P2RY12: variants seen among roughly 807,000 people sequenced by gnomAD.
The protein encoded by P2RY12 is purinergic receptor P2Y12.
In P2RY12, 3 loss-of-function variants were observed where a neutral mutation model predicts 4.5. The observed-to-expected ratio is 0.67, with a 90% CI of 0.31 to 1.74. The LOEUF (loss-of-function observed/expected upper bound fraction) is 1.74, where lower values mean the gene tolerates loss of function less well. Ranked by LOEUF, P2RY12 falls within the 40% of genes most tolerant of loss-of-function variation. The pLI is 0.09. For missense variants in P2RY12, 356 were observed against 407.8 expected (o/e 0.87, Z 1.09); for synonymous variants, 148 against 154.1 (o/e 0.96, Z 0.29).
At chr3:151,364,987 G>T in intron 1 of P2RY12, 1 of 1,613,302 alleles carries the variant, frequency 6.2e-7, no homozygotes, top group Non-Finnish European at 8.5e-7. Flanking sequence ...AGTAGTGCCT[G>T]TTCAAAAGTA....
intron 1 of P2RY12, chr3:151,365,005 C>G (rs1349106488): frequency 6.2e-7 from 1 of 1,613,812 alleles, no homozygotes; most frequent in Admixed American, 1.7e-5. Flanking sequence ...GTAAAGCAAA[C>G]CATATATAAT....
chr3:151,371,488 G>A (rs1241252564), intron 1 of P2RY12, among the ~76,000 whole-genome samples: 2 of 152,150 alleles, frequency 1.3e-5, no homozygotes, highest in African/African-American at 2.4e-5. Flanking sequence ...ATTATATATT[G>A]ATAAATTGAA....
At chr3:151,347,244 C>T (rs1217371677) in intron 1 of P2RY12, among the ~76,000 whole-genome samples, 1 of 152,130 alleles carries the variant, frequency 6.6e-6, no homozygotes, top group Admixed American at 6.5e-5. Context: ...TAATTTTTCT[C>T]CTTATCTTCA....
At chr3:151,361,860 A>G (rs1754646370) in intron 1 of P2RY12, among the ~76,000 whole-genome samples, 1 of 152,216 alleles carries the variant, frequency 6.6e-6, no homozygotes. Flanking sequence ...CATTCGTTGT[A>G]TCTTAGCACT....
Position 151,367,526 on chromosome 3 carries a change from T to G in P2RY12, c.-180+17166A>C, listed in dbSNP as rs916029892. On this transcript the variant is annotated intron_variant, in intron 1 of 2. Coordinates refer to ENST00000302632, the MANE Select transcript of P2RY12 (RefSeq NM_022788.5). Reference sequence around the variant, plus strand: ...ATCATGATATGTTATCATTTCCCTCTGCTGGTTCATGTTGGGATTTGAGAT... The same window carrying G: ...ATCATGATATGTTATCATTTCCCTCGGCTGGTTCATGTTGGGATTTGAGAT... The G allele has an allele frequency of 6.1e-6, 5 of 826,124 alleles. No individual in the cohort carries two copies. The African/African-American group carries it at 8.7e-5, about 14-fold the overall frequency. The allele number at this position is 826,124 out of a possible 1,614,324, so 51.2% of individuals were successfully genotyped here.
intron 1 of P2RY12, chr3:151,384,061 A>G (rs1712887319): frequency 6.2e-7 from 1 of 1,602,476 alleles, no homozygotes; most frequent in Non-Finnish European, 8.5e-7. Flanking sequence ...TTTAAGATGA[A>G]AATAATTATT....
rs563468112 is a variant in P2RY12, at chr3:151,349,782, A to G, written c.-179-9022T>C. On this transcript the variant is annotated intron_variant, in intron 1 of 2. Transcript: ENST00000302632. ...ATTTTAAACAATGAAAAGTTTTTCA[A>G]TAGCCAAAACTTACTTTGTAGGGTA... Among the ~76,000 whole-genome samples, 17 of 152,284 alleles carry G rather than the reference A, an allele frequency of 1.1e-4. No homozygotes were observed. The South Asian group carries it at 1.7e-3, about 15-fold the overall frequency.
chr3:151,372,058 A>G (rs1438162684), intron 1 of P2RY12, among the ~76,000 whole-genome samples: 1 of 152,160 alleles, frequency 6.6e-6, no homozygotes, highest in Non-Finnish European at 1.5e-5. Context: ...GCCCTTTTCC[A>G]TTCCCAGGGA....
rs1281080506 is a variant in P2RY12, at chr3:151,338,106, A to G, written c.740T>C (p.Ile247Thr). The G allele has an allele frequency of 6.2e-7, 1 of 1,614,040 alleles. No homozygotes were observed. The highest frequency in any genetic ancestry group is 2.2e-5 in the East Asian group (1 of 44,888). The part of the protein sequence containing the change: ...KVFIIIAVFF[I>T]CFVPFHFARI... ...GGCAAAATGGAAAGGAACAAAACAA[A>G]TAAAGAATACAGCAATGATAATGAA... is the stretch of plus-strand genomic sequence containing the variant. Residue 247 changes from isoleucine to threonine, a missense_variant, in exon 3 of 3, where the codon ATT becomes ACT. Transcript: ENST00000302632.
chr3:151,343,181 T>G (rs1752091289), intron 1 of P2RY12, among the ~76,000 whole-genome samples: 1 of 152,158 alleles, frequency 6.6e-6, no homozygotes, highest in Admixed American at 6.6e-5. Context: ...TACAGCAAAT[T>G]GTAAATGCTA....
chr3:151,338,556 C>T lies in P2RY12; in HGVS notation c.290G>A (p.Cys97Tyr). The T allele has an allele frequency of 6.2e-7, 1 of 1,613,976 alleles. No homozygotes were observed. The highest frequency in any genetic ancestry group is 8.5e-7 in the Non-Finnish European group (1 of 1,179,970). Residue 97 changes from cysteine (C) to tyrosine (Y), a missense_variant, in exon 3 of 3, where the codon TGT (cysteine) becomes TAT (tyrosine). Cys to Tyr is a radical substitution (Grantham distance 194). Transcript: ENST00000302632. The stretch of plus-strand genomic sequence containing the variant: ...ATAAAATATGACGGAGGTAACTTGA[C>T]ACACAAAAGTTCTCAGTGGTCCTGT... The part of the protein sequence containing the change: ...LGTGPLRTFV[C>Y]QVTSVIFYFT...
At chr3:151,342,868 C>G (rs1752046708) in intron 1 of P2RY12, among the ~76,000 whole-genome samples, 1 of 152,144 alleles carries the variant, frequency 6.6e-6, no homozygotes, top group South Asian at 2.1e-4. Flanking sequence ...ATTTCTTACA[C>G]TGTCATGGAT....
chr3:151,365,969 A>G (rs754856998), intron 1 of P2RY12: 1 of 1,611,500 alleles, frequency 6.2e-7, no homozygotes, highest in Non-Finnish European at 8.5e-7. Context: ...TGGGGGTTTA[A>G]TGATGTACTT....
intron 1 of P2RY12, chr3:151,368,295 C>T: frequency 6.6e-7 from 1 of 1,524,844 alleles, no homozygotes; most frequent in Non-Finnish European, 9.1e-7. Flanking sequence ...TCATTGGTAG[C>T]TAAAGTTTCT....
At chr3:151,384,585 T>A (rs1712995328) in intron 1 of P2RY12, 107 bp downstream of exon 1, 1 of 192,866 alleles carries the variant, frequency 5.2e-6, no homozygotes, top group East Asian at 1.4e-4. Context: ...ATCGATTCAT[T>A]TGACCGACCA....
chr3:151,347,852 A>G (rs747183871), intron 1 of P2RY12, among the ~76,000 whole-genome samples: 12 of 152,154 alleles, frequency 7.9e-5, no homozygotes, highest in Non-Finnish European at 1.6e-4. Flanking sequence ...AGAGGTTTAG[A>G]AAGGTTTATT....
chr3:151,357,253 T>G, intron 1 of P2RY12: 1 of 1,613,522 alleles, frequency 6.2e-7, no homozygotes, highest in Middle Eastern at 1.6e-4. Flanking sequence ...GAACTGCTCC[T>G]AAAATCCTCC....
chr3:151,346,367 G>A (rs772508296), intron 1 of P2RY12, among the ~76,000 whole-genome samples: 1 of 152,020 alleles, frequency 6.6e-6, no homozygotes, highest in Non-Finnish European at 1.5e-5. Context: ...TCTTCATAAC[G>A]CTCTTTCCTC....
chr3:151,381,774 C>G (rs1318531461), intron 1 of P2RY12, among the ~76,000 whole-genome samples: 1 of 152,128 alleles, frequency 6.6e-6, no homozygotes, highest in Non-Finnish European at 1.5e-5. Flanking sequence ...AGTTAACTAC[C>G]TTGCCCCCTT....
Sources: allele counts gnomAD v4.1 joint callset (sites outside exome capture counted in the v4.1 genomes callset), GRCh38; gene constraint gnomAD v4.1.1; transcripts MANE v1.5; gene names NCBI Gene and HGNC (gene_info 2026-07-23, HGNC 2026-07-21).